The following NPAS3 variants were observed in gnomAD, a reference collection of about 807,000 sequenced individuals.
NPAS3 encodes the protein neuronal PAS domain protein 3.
In NPAS3, 14 loss-of-function variants were observed where a neutral mutation model predicts 73.1. The observed-to-expected ratio is 0.19, with a 90% confidence interval of 0.13 to 0.30. The LOEUF (loss-of-function observed/expected upper bound fraction) is 0.30. NPAS3 is among the 10% of genes least tolerant of loss of function. The pLI is 1.00. For synonymous variants in NPAS3, 620 were observed against 541.5 expected, an observed-to-expected ratio of 1.14 and a Z score of -2.01; for missense variants, 1,096 against 1,250.0, an observed-to-expected ratio of 0.88 and a Z score of 1.86.
intron 1 of NPAS3, among the ~76,000 whole-genome samples, chr14:33,007,090 T>C (rs866857532): frequency 7.9e-4 from 120 of 152,240 alleles, no homozygotes; most frequent in African/African-American, 2.7e-3. Context: ...CAATATTTGA[T>C]AATAGAGCTT....
intron 3 of NPAS3, among the ~76,000 whole-genome samples, chr14:33,335,875 T>A (rs2044204873): frequency 6.6e-6 from 1 of 152,216 alleles, no homozygotes; most frequent in Admixed American, 6.5e-5. Flanking sequence ...CTGTTTTGGG[T>A]TATTTTGAAT....
intron 2 of NPAS3, among the ~76,000 whole-genome samples, chr14:33,086,353 T>C (rs962599860): frequency 7.2e-5 from 11 of 152,160 alleles, no homozygotes; most frequent in Non-Finnish European, 1.6e-4. Flanking sequence ...TTTCCATATA[T>C]TCTTCTAATA....
At chr14:33,439,878 G>A (rs1006730676) in intron 4 of NPAS3, among the ~76,000 whole-genome samples, 1 of 152,198 alleles carries the variant, frequency 6.6e-6, no homozygotes, top group Non-Finnish European at 1.5e-5. Context: ...CACTTTGGGA[G>A]GCCGAGGCGG....
chr14:32,950,646 A>C (rs988121349), intron 1 of NPAS3, among the ~76,000 whole-genome samples: 1 of 152,118 alleles, frequency 6.6e-6, no homozygotes, highest in Non-Finnish European at 1.5e-5. Flanking sequence ...TAATCTTCCC[A>C]CATCTTTGTA....
intron 9 of NPAS3, among the ~76,000 whole-genome samples, chr14:33,781,505 C>T (rs2062978057): frequency 6.6e-6 from 1 of 152,186 alleles, no homozygotes; most frequent in African/African-American, 2.4e-5. Context: ...TTCCAAAGCC[C>T]TAGGCTATTA....
chr14:33,438,912 C>T (rs1397191426), intron 4 of NPAS3, among the ~76,000 whole-genome samples: 1 of 152,118 alleles, frequency 6.6e-6, no homozygotes, highest in African/African-American at 2.4e-5. Flanking sequence ...GGATTTTAGC[C>T]TGTTGTTGAC....
chr14:33,738,621 C>T (rs2061581407), intron 7 of NPAS3, among the ~76,000 whole-genome samples: 1 of 152,162 alleles, frequency 6.6e-6, no homozygotes. Flanking sequence ...GTCTGCCACA[C>T]CCCCTTCCTC....
chr14:33,485,417 G>A (rs1174377970), intron 4 of NPAS3, among the ~76,000 whole-genome samples: 1 of 152,146 alleles, frequency 6.6e-6, no homozygotes, highest in African/African-American at 2.4e-5. Context: ...TCACCAGGAA[G>A]ATTGCTCGGT....
intron 7 of NPAS3, among the ~76,000 whole-genome samples, chr14:33,770,652 C>T (rs559666802): frequency 1.3e-5 from 2 of 152,168 alleles, no homozygotes; most frequent in Non-Finnish European, 2.9e-5. Context: ...GTAATCCCAG[C>T]ACTTTGGGAG....
chr14:33,740,685 A>G (rs2061633898), intron 7 of NPAS3, among the ~76,000 whole-genome samples: 1 of 152,216 alleles, frequency 6.6e-6, no homozygotes, highest in Admixed American at 6.5e-5. Flanking sequence ...ACTGAAACAT[A>G]CTGGGTCCAT....
At chr14:33,451,327 T>C (rs1296186002) in intron 4 of NPAS3, among the ~76,000 whole-genome samples, 1 of 152,210 alleles carries the variant, frequency 6.6e-6, no homozygotes, top group Non-Finnish European at 1.5e-5. Flanking sequence ...TAGGCACTTT[T>C]AGTAAAGTTT....
intron 6 of NPAS3, among the ~76,000 whole-genome samples, chr14:33,700,146 T>C (rs2060488917): frequency 6.6e-6 from 1 of 152,306 alleles, no homozygotes; most frequent in East Asian, 1.9e-4. Context: ...AGCATTTATC[T>C]TGAAACTCAT....
chr14:33,614,573 C>A (rs1004081315), intron 5 of NPAS3, among the ~76,000 whole-genome samples: 1 of 152,146 alleles, frequency 6.6e-6, no homozygotes, highest in Non-Finnish European at 1.5e-5. Context: ...CAGCCTCGTT[C>A]AAAAACCATA....
At chr14:33,131,296 G>C (rs1227985997) in intron 2 of NPAS3, among the ~76,000 whole-genome samples, 1 of 152,010 alleles carries the variant, frequency 6.6e-6, no homozygotes, top group African/African-American at 2.4e-5. Context: ...CTAAATATTA[G>C]CTTTATTCTA....
chr14:33,171,145 A>G (rs770137373), intron 2 of NPAS3, among the ~76,000 whole-genome samples: 2 of 152,220 alleles, frequency 1.3e-5, no homozygotes, highest in Non-Finnish European at 2.9e-5. Flanking sequence ...GTACATCTCC[A>G]TCAGAGCTCT....
chr14:33,471,532 C>T (rs1472432031), intron 4 of NPAS3, among the ~76,000 whole-genome samples: 7 of 152,030 alleles, frequency 4.6e-5, no homozygotes, highest in Non-Finnish European at 2.9e-5. Context: ...TTATTGCCCC[C>T]GGATGTGGAA....
intron 4 of NPAS3, among the ~76,000 whole-genome samples, chr14:33,426,586 G>A (rs1044704865): frequency 1.1e-4 from 16 of 151,972 alleles, no homozygotes; most frequent in Middle Eastern, 3.2e-3. Flanking sequence ...AATATCATGA[G>A]CGAGGATACT....
At chr14:32,979,761 C>G (rs556392062) in intron 1 of NPAS3, among the ~76,000 whole-genome samples, 1 of 152,058 alleles carries the variant, frequency 6.6e-6, no homozygotes, top group Admixed American at 6.5e-5. Flanking sequence ...CACTTTTTTT[C>G]TTGTAATGAT....
At chr14:32,966,202 C>A (rs1257017038) in intron 1 of NPAS3, among the ~76,000 whole-genome samples, 3 of 151,970 alleles carry the variant, frequency 2.0e-5, no homozygotes, top group Non-Finnish European at 4.4e-5. Context: ...AAAAGCAATC[C>A]TAAAATTTGC....
Sources: allele counts gnomAD v4.1 joint callset (sites outside exome capture counted in the v4.1 genomes callset), GRCh38; gene constraint gnomAD v4.1.1; transcripts MANE v1.5; gene names NCBI Gene and HGNC (gene_info 2026-07-23, HGNC 2026-07-21).